LIN54: variants seen among roughly 807,000 people sequenced by gnomAD.
The protein encoded by LIN54 is protein lin-54 homolog.
Under a neutral mutation model 78.7 loss-of-function variants are expected in LIN54, and 9 were observed. The ratio of observed to expected loss-of-function variants is 0.11; its 90% CI spans 0.07 to 0.20. The LOEUF is 0.20. Ranked by LOEUF, LIN54 falls within the 10% of genes least tolerant of loss-of-function variation. The pLI is 1.00. For synonymous variants in LIN54, 269 were observed against 318.4 expected (o/e 0.84, Z 1.65); for missense variants, 573 against 889.9 (o/e 0.64, Z 4.53).
Position 82,940,079 on chromosome 4 carries a change from T to C in LIN54, c.1169-117A>G, listed in dbSNP as rs955905584. 3.5e-5 allele frequency: 26 copies of C among 732,436 alleles called. No individual in the cohort carries two copies. The African/African-American group carries it at 4.4e-4, about 13-fold the overall frequency. 45.4% of individuals were successfully genotyped at this position (732,436 alleles called of 1,614,324 possible). ...CATAAAAGAGCTTAAAGAATTCCAT[T>C]TGATTCCTAATTTGAGCAATCTTTA... On this transcript the variant is annotated intron_variant, in intron 5 of 12. Transcript: ENST00000340417.
At chr4:82,947,231 A>ATTTTTTTTTTTT (rs1390095473) in intron 4 of LIN54, among the ~76,000 whole-genome samples, 5 of 13,948 alleles carry the variant, frequency 3.6e-4, no homozygotes, top group African/African-American at 6.1e-4. Flanking sequence ...ATATATATAT[A>ATTTTTTTTTTTT]TATATTTTTT....
chr4:82,955,444 T>A (rs1360322157), intron 4 of LIN54, among the ~76,000 whole-genome samples: 2 of 143,276 alleles, frequency 1.4e-5, no homozygotes, highest in Admixed American at 1.4e-4. Flanking sequence ...AGCCATAGAT[T>A]GAGAGAAAAT....
At position 82,955,424 on chromosome 4, in the gene LIN54, T is replaced by TAACATAACATAAC. The variant is rs1338632940; in HGVS notation, c.952-8951_952-8950insGTTATGTTATGTT. 8.7e-3 allele frequency among the ~76,000 whole-genome samples: 699 copies of TAACATAACATAAC among 80,040 alleles called. 16 individuals are homozygous for TAACATAACATAAC. The highest frequency in any genetic ancestry group is 6.8e-3 in the Middle Eastern group (1 of 148). The allele number at this position is 80,040 out of a possible 152,430, so 52.5% of individuals were successfully genotyped here. On this transcript the variant is annotated intron_variant, in intron 4 of 12. Transcript: ENST00000340417. ...CATAACATAACATAACATAACATAATGAACAGACAAGCCATAGATTGAGAG... is the reference window on the plus strand; with the variant it reads ...CATAACATAACATAACATAACATAATAACATAACATAACGAACAGACAAGCCATAGATTGAGAG...
chr4:83,010,952 G>T, upstream of LIN54: 1 of 734,110 alleles, frequency 1.4e-6, no homozygotes, highest in Non-Finnish European at 1.8e-6. Flanking sequence ...GTGCACACGG[G>T]CTACGCCGAG....
intron 4 of LIN54, among the ~76,000 whole-genome samples, chr4:82,952,317 G>C (rs1430817824): frequency 2.6e-5 from 4 of 152,086 alleles, no homozygotes; most frequent in African/African-American, 9.7e-5. Flanking sequence ...AAAGAACTTG[G>C]ATAGAATTTT....
intron 4 of LIN54, among the ~76,000 whole-genome samples, chr4:82,961,882 G>A (rs763135337): frequency 3.3e-5 from 5 of 151,790 alleles, no homozygotes; most frequent in Admixed American, 6.6e-5. Context: ...CTTGAACCCT[G>A]GAGGCGGAGG....
chr4:82,964,926 A>G (rs4693535), intron 4 of LIN54, among the ~76,000 whole-genome samples: 1 of 151,922 alleles, frequency 6.6e-6, no homozygotes. Context: ...TGAACCCGGG[A>G]GGCAGAGGTT....
At chr4:83,007,358 T>C (rs1729490219) in intron 1 of LIN54, among the ~76,000 whole-genome samples, 1 of 152,174 alleles carries the variant, frequency 6.6e-6, no homozygotes, top group African/African-American at 2.4e-5. Flanking sequence ...TTCATGCTTA[T>C]GATTAACATG....
At chr4:82,983,720 G>A (rs1236622075) in intron 2 of LIN54, among the ~76,000 whole-genome samples, 4 of 151,764 alleles carry the variant, frequency 2.6e-5, no homozygotes, top group Admixed American at 6.6e-5. Flanking sequence ...TGGCTGACAC[G>A]CACTATTACT....
At chr4:82,955,424 T>TAACATAACATAACATAAC (rs1338632940) in intron 4 of LIN54, among the ~76,000 whole-genome samples, 90 of 80,056 alleles carry the variant, frequency 1.1e-3, no homozygotes, top group South Asian at 2.0e-3. Context: ...CATAACATAA[T>TAACATAACATAACATAAC]GAACAGACAA....
intron 3 of LIN54, among the ~76,000 whole-genome samples, chr4:82,974,187 G>A (rs1725944122): frequency 6.6e-6 from 1 of 151,626 alleles, no homozygotes; most frequent in South Asian, 2.1e-4. Context: ...TCCAGCCTGG[G>A]TGACAGAGCA....
intron 2 of LIN54, among the ~76,000 whole-genome samples, chr4:82,983,383 TAATA>T (rs1308906689): frequency 6.6e-6 from 1 of 152,180 alleles, no homozygotes; most frequent in Non-Finnish European, 1.5e-5. Context: ...GGAAATCACT[TAATA>T]TATATTCCAG....
At chr4:82,929,203 T>C (rs897050949) in intron 12 of LIN54, among the ~76,000 whole-genome samples, 5 of 152,232 alleles carry the variant, frequency 3.3e-5, no homozygotes, top group Non-Finnish European at 7.3e-5. Context: ...AAGGTTTTGG[T>C]CACTTGAAAC....
At chr4:82,998,567 G>A (rs1197399034) in intron 1 of LIN54, among the ~76,000 whole-genome samples, 1 of 149,376 alleles carries the variant, frequency 6.7e-6, no homozygotes, top group Non-Finnish European at 1.5e-5. Context: ...AGGAAGAGAG[G>A]GAGGGAAAGA....
chr4:82,933,155 A>G (rs1360130305), intron 11 of LIN54, among the ~76,000 whole-genome samples: 1 of 151,726 alleles, frequency 6.6e-6, no homozygotes, highest in Non-Finnish European at 1.5e-5. Context: ...CTAAAGCAAT[A>G]CTTAATAAGC....
intron 1 of LIN54, among the ~76,000 whole-genome samples, chr4:82,987,574 C>T (rs1727276334): frequency 6.6e-6 from 1 of 152,046 alleles, no homozygotes; most frequent in African/African-American, 2.4e-5. Context: ...GTTCCCCTCT[C>T]TGTGTCCATG....
intron 4 of LIN54, among the ~76,000 whole-genome samples, chr4:82,949,646 C>G: frequency 6.6e-6 from 1 of 152,088 alleles, no homozygotes. Context: ...ATCGGCCTCC[C>G]TCAGCTTCCC....
chr4:82,985,774 C>T (rs1053473178), intron 1 of LIN54, among the ~76,000 whole-genome samples: 3 of 152,200 alleles, frequency 2.0e-5, no homozygotes, highest in African/African-American at 7.2e-5. Context: ...CTCCTAACCT[C>T]GGGTGATCCA....
chr4:82,932,017 T>C (rs1721991559), intron 11 of LIN54, among the ~76,000 whole-genome samples: 1 of 152,152 alleles, frequency 6.6e-6, no homozygotes, highest in Admixed American at 6.5e-5. Context: ...TTTTTTGTTA[T>C]ACATTATGCC....
Sources: allele counts gnomAD v4.1 joint callset (sites outside exome capture counted in the v4.1 genomes callset), GRCh38; gene constraint gnomAD v4.1.1; transcripts MANE v1.5; gene names NCBI Gene and HGNC (gene_info 2026-07-23, HGNC 2026-07-21).